Variants in KLHL29 observed in about 807,000 individuals in gnomAD.
KLHL29 encodes kelch like family member 29.
KLHL29 carries 21 observed loss-of-function variants against 80.4 expected under a neutral mutation model. The observed-to-expected ratio is 0.26, with a 90% CI of 0.19 to 0.38. The LOEUF (loss-of-function observed/expected upper bound fraction) is 0.38, where lower values mean the gene tolerates loss of function less well. Ranked by LOEUF, KLHL29 falls within the 10% of genes least tolerant of loss-of-function variation. KLHL29 has a pLI of 1.00. For synonymous variants in KLHL29, 511 were observed against 526.8 expected, an observed-to-expected ratio of 0.97 and a Z score of 0.41; for missense variants, 867 against 1,223.9, an observed-to-expected ratio of 0.71 and a Z score of 4.35.
intron 3 of KLHL29, among the ~76,000 whole-genome samples, chr2:23,564,118 G>A (rs1042342461): frequency 3.9e-5 from 6 of 152,248 alleles, no homozygotes; most frequent in South Asian, 2.1e-4. Context: ...CCCGGAGGCC[G>A]TCTTGAAAGT....
intron 1 of KLHL29, among the ~76,000 whole-genome samples, chr2:23,409,992 A>T (rs1666823476): frequency 6.6e-6 from 1 of 152,202 alleles, no homozygotes; most frequent in South Asian, 2.1e-4. Flanking sequence ...AGGAGAGAGT[A>T]TGGTGCCTTC....
chr2:23,698,907 G>C (rs903105473), intron 11 of KLHL29, among the ~76,000 whole-genome samples: 1 of 152,296 alleles, frequency 6.6e-6, no homozygotes, highest in East Asian at 1.9e-4. Flanking sequence ...GAAAGACTGA[G>C]GACTAACAGC....
intron 3 of KLHL29, among the ~76,000 whole-genome samples, chr2:23,636,081 A>G (rs1057106446): frequency 5.3e-5 from 8 of 152,168 alleles, no homozygotes; most frequent in Admixed American, 2.0e-4. Context: ...GGCCCTGAAC[A>G]TGGTCCCCTA....
intron 1 of KLHL29, among the ~76,000 whole-genome samples, chr2:23,456,527 G>A (rs78294277): frequency 3.9e-5 from 6 of 152,338 alleles, no homozygotes; most frequent in African/African-American, 7.2e-5. Flanking sequence ...AATCTGAAAC[G>A]TCTCTAGTAA....
intron 5 of KLHL29, chr2:23,667,108 C>T (rs559201165): frequency 1.3e-5 from 2 of 152,192 alleles, no homozygotes; most frequent in South Asian, 2.1e-4. Flanking sequence ...GTCATTAACC[C>T]GGGCACTCTG....
intron 2 of KLHL29, among the ~76,000 whole-genome samples, chr2:23,556,006 G>A (rs1161648865): frequency 1.3e-5 from 2 of 152,230 alleles, no homozygotes; most frequent in Admixed American, 1.3e-4. Flanking sequence ...ATTGCAGCAG[G>A]ATCAATGACC....
chr2:23,696,356 C>G lies in KLHL29; in HGVS notation c.1948C>G (p.Leu650Val), dbSNP rs373748951. ...AGGTGGGATGGAATCAGGGGTGACG[C>G]TGGCTGATGTCTGGTGCTACATGTC... Reference protein sequence around the residue: ...LSGGMESGVTLADVWCYMSLL... With the variant: ...LSGGMESGVTVADVWCYMSLL... The change falls in exon 11 of 14, where the codon CTG becomes GTG. Residue 650 changes from leucine (L) to valine (V), a missense_variant. This residue lies in a region of KLHL29 where 443 missense variants were observed against 767.0 expected (regional missense o/e 0.58). Transcript: ENST00000486442. This position sits in a 1 kb window ranked among gnomAD's most constrained non-coding sequence, Gnocchi z 5.5. 2.4e-5 allele frequency: 37 copies of G among 1,551,628 alleles called. No homozygotes were observed. The African/African-American group carries it at 4.8e-4, about 20-fold the overall frequency.
At chr2:23,691,567 C>T (rs1044190450) in intron 6 of KLHL29, 107 bp from the exon 7 acceptor site, 1 of 933,980 alleles carries the variant, frequency 1.1e-6, no homozygotes, top group Non-Finnish European at 1.6e-6. Context: ...CCTTTGAGCC[C>T]TAAAACCAAG....
chr2:23,484,963 C>T (rs936397287), intron 2 of KLHL29, among the ~76,000 whole-genome samples: 3 of 152,148 alleles, frequency 2.0e-5, no homozygotes, highest in Admixed American at 6.5e-5. Flanking sequence ...GCTCCAGGGC[C>T]GCCCCCGAGG....
rs1671879970 is a variant in KLHL29 at position 23,695,283 on chromosome 2, C to T, written c.1543-340C>T. On this transcript the variant is annotated intron_variant, in intron 8 of 13. Coordinates refer to ENST00000486442, the MANE Select transcript of KLHL29 (RefSeq NM_052920.2). The surrounding 1 kb of genome is among the most constrained non-coding windows in gnomAD (Gnocchi z 7.6). ...GCGTCTTCCTCATTTTAACCCCTCGCCCCTGCCCCCAGTGGCCTGATCTGC... is the reference window on the plus strand; with the variant it reads ...GCGTCTTCCTCATTTTAACCCCTCGTCCCTGCCCCCAGTGGCCTGATCTGC... 6.6e-6 allele frequency among the ~76,000 whole-genome samples: 1 copy of T among 152,176 alleles called. No homozygotes were observed. The highest frequency in any genetic ancestry group is 1.5e-5 in the Non-Finnish European group (1 of 68,024).
intron 2 of KLHL29, among the ~76,000 whole-genome samples, chr2:23,498,962 G>A (rs1319436345): frequency 3.3e-5 from 5 of 152,088 alleles, no homozygotes; most frequent in Non-Finnish European, 5.9e-5. Flanking sequence ...AAATCAGACC[G>A]AATGGCTGAA....
intron 1 of KLHL29, among the ~76,000 whole-genome samples, chr2:23,452,794 C>T (rs1055368648): frequency 1.3e-5 from 2 of 152,180 alleles, no homozygotes; most frequent in Non-Finnish European, 2.9e-5. Context: ...TATCCCTCAA[C>T]GCTGACATAC....
At chr2:23,533,107 T>C (rs1666551097) in intron 2 of KLHL29, among the ~76,000 whole-genome samples, 1 of 152,108 alleles carries the variant, frequency 6.6e-6, no homozygotes, top group South Asian at 2.1e-4. Context: ...TCTCAGTTTT[T>C]CCTGAGCACG....
intron 2 of KLHL29, among the ~76,000 whole-genome samples, chr2:23,511,415 G>A (rs975175928): frequency 2.6e-5 from 4 of 152,142 alleles, no homozygotes; most frequent in Admixed American, 6.5e-5. Context: ...GTTGGAGGGC[G>A]CAGACCAAAA....
chr2:23,493,318 T>C (rs965615624), intron 2 of KLHL29, among the ~76,000 whole-genome samples: 1 of 152,202 alleles, frequency 6.6e-6, no homozygotes, highest in Non-Finnish European at 1.5e-5. Context: ...AATAGCAGCT[T>C]TATCTAATGA....
chr2:23,597,307 A>ATGTGTGTGTGTGTGTGTGTGTG (rs1454960849), intron 3 of KLHL29, among the ~76,000 whole-genome samples: 10 of 106,608 alleles, frequency 9.4e-5, no homozygotes, highest in African/African-American at 2.1e-4. Context: ...ATATATATAT[A>ATGTGTGTGTGTGTGTGTGTGTG]TATGTGTGTG....
At chr2:23,654,666 C>T (rs1237978581) in intron 5 of KLHL29, among the ~76,000 whole-genome samples, 5 of 114,362 alleles carry the variant, frequency 4.4e-5, no homozygotes, top group South Asian at 3.4e-4. Flanking sequence ...CTGGGAGATG[C>T]AGCCTTCTCT....
At position 23,473,456 on chromosome 2, in the gene KLHL29, G is replaced by C. The variant is rs575386952; in HGVS notation, c.-153-2104G>C. On this transcript the variant is annotated intron_variant, in intron 1 of 13. Transcript: ENST00000486442. Reference sequence around the variant, plus strand: ...CCTTTTCATCAGCACATGAGGAAAAGTCCCAGAGAACTCAGCTGTGCATGT... The same window carrying C: ...CCTTTTCATCAGCACATGAGGAAAACTCCCAGAGAACTCAGCTGTGCATGT... Among the ~76,000 whole-genome samples, 272 of 152,254 alleles carry C rather than the reference G, an allele frequency of 1.8e-3. 2 individuals are homozygous for C. The highest frequency in any genetic ancestry group is 6.1e-3 in the African/African-American group (255 of 41,560).
At chr2:23,521,000 C>CG (rs1029180553) in intron 2 of KLHL29, among the ~76,000 whole-genome samples, 8 of 151,708 alleles carry the variant, frequency 5.3e-5, no homozygotes, top group Non-Finnish European at 5.9e-5. Flanking sequence ...CCACCCCCCC[C>CG]CCCGCTCCCC....
Sources: gnomAD v4.1 joint callset for allele counts (sites outside exome capture counted in the v4.1 genomes callset) on GRCh38, gnomAD v4.1.1 for gene constraint, gnomAD v4.1.1 regional missense constraint, Gnocchi (gnomAD v3.1) non-coding constraint, MANE v1.5 for transcripts, NCBI Gene and HGNC (gene_info 2026-07-23, HGNC 2026-07-21) for gene names.